Variants in VWA8 observed in about 807,000 individuals in gnomAD.
The protein encoded by VWA8 is von Willebrand factor A domain containing 8, also known as von Willebrand factor A domain-containing protein 8.
Under a neutral mutation model 241.5 loss-of-function variants are expected in VWA8, and 221 were observed. The observed-to-expected ratio is 0.91, with a 90% CI of 0.82 to 1.02. The LOEUF is 1.02. VWA8 is among the 50% of genes least tolerant of loss of function. VWA8 has a pLI of 0.00. For synonymous variants in VWA8, 852 were observed against 827.1 expected, an observed-to-expected ratio of 1.03 and a Z score of -0.52; for missense variants, 2,322 against 2,328.7, an observed-to-expected ratio of 1.00 and a Z score of 0.06.
At chr13:41,762,845 C>A (rs183850942) in intron 20 of VWA8, among the ~76,000 whole-genome samples, 1 of 151,908 alleles carries the variant, frequency 6.6e-6, no homozygotes, top group African/African-American at 2.4e-5. Flanking sequence ...CCTGAGAGTG[C>A]GTTCAATAAA....
chr13:41,950,765 T>A (rs1271076407), intron 1 of VWA8, among the ~76,000 whole-genome samples: 1 of 150,314 alleles, frequency 6.7e-6, no homozygotes, highest in Non-Finnish European at 1.5e-5. Flanking sequence ...GCCTCCTGGG[T>A]TCAAGTGATT....
At chr13:41,739,471 T>C (rs2045549824) in intron 21 of VWA8, among the ~76,000 whole-genome samples, 1 of 152,200 alleles carries the variant, frequency 6.6e-6, no homozygotes, top group Non-Finnish European at 1.5e-5. Flanking sequence ...ATTTTGTATA[T>C]AGCATAATAT....
At chr13:41,635,927 C>T (rs1189868114) in intron 37 of VWA8, among the ~76,000 whole-genome samples, 1 of 152,040 alleles carries the variant, frequency 6.6e-6, no homozygotes, top group Non-Finnish European at 1.5e-5. Context: ...ACAAAGAGCC[C>T]CTTGTCTGTG....
At chr13:41,702,874 T>C (rs961884367) in intron 27 of VWA8, among the ~76,000 whole-genome samples, 4 of 152,220 alleles carry the variant, frequency 2.6e-5, no homozygotes, top group African/African-American at 9.6e-5. Context: ...TACAAGCATC[T>C]ACTTTCTCAC....
intron 26 of VWA8, among the ~76,000 whole-genome samples, chr13:41,717,641 T>G (rs1471599421): frequency 6.6e-6 from 1 of 151,970 alleles, no homozygotes; most frequent in Non-Finnish European, 1.5e-5. Context: ...GGCTGATAAT[T>G]TGATAGAAAT....
chr13:41,865,537 A>T, intron 12 of VWA8, 199 bp downstream of exon 12: 1 of 551,290 alleles, frequency 1.8e-6, no homozygotes, highest in Non-Finnish European at 3.1e-6. Context: ...TATGTTGTGC[A>T]CATCAGATAT....
intron 21 of VWA8, among the ~76,000 whole-genome samples, chr13:41,750,810 C>CATAAGGTTTT (rs2045650355): frequency 6.6e-6 from 1 of 151,884 alleles, no homozygotes; most frequent in Non-Finnish European, 1.5e-5. Context: ...GAGATGGAAT[C>CATAAGGTTTT]CACTCTAGGT....
At chr13:41,673,694 AC>A (rs1370054840) in intron 36 of VWA8, among the ~76,000 whole-genome samples, 1 of 152,246 alleles carries the variant, frequency 6.6e-6, no homozygotes, top group Non-Finnish European at 1.5e-5. Flanking sequence ...AATTAATTTC[AC>A]CTTAAAACAA....
chr13:41,739,354 G>T (rs1364531165), intron 21 of VWA8, among the ~76,000 whole-genome samples: 1 of 152,066 alleles, frequency 6.6e-6, no homozygotes, highest in African/African-American at 2.4e-5. Flanking sequence ...AACCTACCAG[G>T]GGAGTCACGC....
chr13:41,920,241 C>G (rs1247922093), intron 2 of VWA8, among the ~76,000 whole-genome samples: 1 of 152,156 alleles, frequency 6.6e-6, no homozygotes, highest in Non-Finnish European at 1.5e-5. Flanking sequence ...CAAATTGCAG[C>G]TGTGCCCTAT....
At chr13:41,865,672 A>G in intron 12 of VWA8, 64 bp downstream of exon 12, 1 of 1,559,886 alleles carries the variant, frequency 6.4e-7, no homozygotes, top group Non-Finnish European at 8.7e-7. Context: ...ATATCCATAA[A>G]TTCTGCTGAT....
intron 9 of VWA8, among the ~76,000 whole-genome samples, chr13:41,879,031 G>T (rs986545829): frequency 1.3e-5 from 2 of 151,938 alleles, no homozygotes; most frequent in Non-Finnish European, 2.9e-5. Flanking sequence ...CTGAGGATGT[G>T]CCCTTGTTCC....
At chr13:41,621,906 G>A (rs893540310) in intron 37 of VWA8, among the ~76,000 whole-genome samples, 26 of 152,174 alleles carry the variant, frequency 1.7e-4, no homozygotes, top group African/African-American at 6.0e-4. Context: ...CTGGGAAATC[G>A]GGCTGTTCAC....
At chr13:41,739,838 T>G (rs1169834605) in intron 21 of VWA8, among the ~76,000 whole-genome samples, 22 of 59,576 alleles carry the variant, frequency 3.7e-4, no homozygotes, top group South Asian at 1.2e-3. Flanking sequence ...TTTTTTTTTT[T>G]GTTTTTTTTG....
At chr13:41,603,581 T>G (rs1341179717) in intron 40 of VWA8, among the ~76,000 whole-genome samples, 1 of 152,158 alleles carries the variant, frequency 6.6e-6, no homozygotes, top group Non-Finnish European at 1.5e-5. Flanking sequence ...TCTAAGGGTC[T>G]CTTTCTGCCC....
chr13:41,714,612 T>C (rs950828203), intron 26 of VWA8, among the ~76,000 whole-genome samples: 1 of 152,022 alleles, frequency 6.6e-6, no homozygotes, highest in Admixed American at 6.6e-5. Context: ...ATACAAAGTT[T>C]TCTAAGGTTT....
chr13:41,738,114 T>C (rs1301295205), intron 21 of VWA8, among the ~76,000 whole-genome samples: 1 of 152,176 alleles, frequency 6.6e-6, no homozygotes, highest in Admixed American at 6.5e-5. Context: ...AATATTATTA[T>C]ACAGTGTTTT....
At chr13:41,636,758 A>G (rs1237047465) in intron 37 of VWA8, among the ~76,000 whole-genome samples, 1 of 152,268 alleles carries the variant, frequency 6.6e-6, no homozygotes, top group African/African-American at 2.4e-5. Context: ...GGTGAAGGAT[A>G]TGAACAGACA....
At chr13:41,638,064 A>C (rs2044770858) in intron 37 of VWA8, among the ~76,000 whole-genome samples, 1 of 152,172 alleles carries the variant, frequency 6.6e-6, no homozygotes, top group Non-Finnish European at 1.5e-5. Flanking sequence ...GTGAGGTTCA[A>C]AGAAGAAACA....
Sources: allele counts gnomAD v4.1 joint callset (sites outside exome capture counted in the v4.1 genomes callset), GRCh38; gene constraint gnomAD v4.1.1; transcripts MANE v1.5; gene names NCBI Gene and HGNC (gene_info 2026-07-23, HGNC 2026-07-21).